DLGAP1: variants seen among roughly 807,000 people sequenced by gnomAD.
DLGAP1 encodes disks large-associated protein 1.
A neutral mutation model predicts 90.8 loss-of-function variants in DLGAP1; 11 were observed. The ratio of observed to expected loss-of-function variants is 0.12; its 90% CI spans 0.08 to 0.20. The LOEUF (loss-of-function observed/expected upper bound fraction) is 0.20, where lower values mean the gene tolerates loss of function less well. Ranked by LOEUF, DLGAP1 falls within the 10% of genes least tolerant of loss-of-function variation. DLGAP1 has a pLI of 1.00. For missense variants in DLGAP1, 1,050 were observed against 1,333.8 expected, an observed-to-expected ratio of 0.79 and a Z score of 3.31; for synonymous variants, 558 against 540.7, an observed-to-expected ratio of 1.03 and a Z score of -0.44.
At chr18:4,225,128 T>C (rs959711477) in intron 1 of DLGAP1, among the ~76,000 whole-genome samples, 1 of 152,108 alleles carries the variant, frequency 6.6e-6, no homozygotes, top group South Asian at 2.1e-4. Context: ...CCAAGAACCA[T>C]GAAGGTAGCA....
At chr18:4,024,532 T>C (rs138008202) in intron 2 of DLGAP1, among the ~76,000 whole-genome samples, 5 of 152,316 alleles carry the variant, frequency 3.3e-5, no homozygotes, top group African/African-American at 1.2e-4. Flanking sequence ...TTAACACTTA[T>C]GCTCGGAGTG....
At chr18:3,666,034 C>T (rs1333901894) in intron 7 of DLGAP1, among the ~76,000 whole-genome samples, 1 of 152,070 alleles carries the variant, frequency 6.6e-6, no homozygotes, top group Non-Finnish European at 1.5e-5. Flanking sequence ...CGGCTCCAAC[C>T]GCAGAGGCAG....
At chr18:3,778,099 T>C (rs1484727830) in intron 5 of DLGAP1, among the ~76,000 whole-genome samples, 1 of 152,214 alleles carries the variant, frequency 6.6e-6, no homozygotes, top group Non-Finnish European at 1.5e-5. Context: ...AAAAATTTAA[T>C]TGCATGCATC....
chr18:4,272,087 C>A (rs1398087201), intron 1 of DLGAP1, among the ~76,000 whole-genome samples: 1 of 152,100 alleles, frequency 6.6e-6, no homozygotes, highest in Non-Finnish European at 1.5e-5. Context: ...GCAGTGTATT[C>A]CAACTTTATG....
chr18:3,925,032 A>G (rs2148918143), intron 3 of DLGAP1, among the ~76,000 whole-genome samples: 1 of 152,196 alleles, frequency 6.6e-6, no homozygotes, highest in East Asian at 1.9e-4. Context: ...GGCTTACCGC[A>G]ACCTCCGCCG....
At chr18:3,886,299 C>T (rs2071311650) in intron 3 of DLGAP1, among the ~76,000 whole-genome samples, 1 of 152,010 alleles carries the variant, frequency 6.6e-6, no homozygotes, top group Non-Finnish European at 1.5e-5. Context: ...TTGTGGGTAC[C>T]TAGTCATGTA....
At chr18:4,257,971 A>ATGTGTG (rs1491397018) in intron 1 of DLGAP1, among the ~76,000 whole-genome samples, 14 of 84,562 alleles carry the variant, frequency 1.7e-4, no homozygotes, top group South Asian at 4.6e-4. Flanking sequence ...AGAGTTATAC[A>ATGTGTG]TATGTGTGTG....
intron 5 of DLGAP1, among the ~76,000 whole-genome samples, chr18:3,748,564 G>A (rs1358079189): frequency 6.6e-6 from 1 of 152,174 alleles, no homozygotes; most frequent in Non-Finnish European, 1.5e-5. Flanking sequence ...AAAAGTATTG[G>A]AATGTAAGGC....
chr18:3,655,921 C>T, intron 7 of DLGAP1: 1 of 655,764 alleles, frequency 1.5e-6, no homozygotes, highest in Non-Finnish European at 2.5e-6. Flanking sequence ...GAGAGCTTTG[C>T]AGCATAAAAT....
At chr18:4,322,758 G>A (rs1003430013) in intron 1 of DLGAP1, among the ~76,000 whole-genome samples, 3 of 152,000 alleles carry the variant, frequency 2.0e-5, no homozygotes, top group African/African-American at 7.2e-5. Flanking sequence ...TCAGGAAATC[G>A]AGACCATCCT....
intron 3 of DLGAP1, among the ~76,000 whole-genome samples, chr18:3,970,581 T>A (rs2073425014): frequency 6.6e-6 from 1 of 152,118 alleles, no homozygotes; most frequent in African/African-American, 2.4e-5. Context: ...AAGAAGTACA[T>A]CTTCTAGAAA....
In DLGAP1 at chr18:4,183,158, G is replaced by A. The variant is rs146466202; in HGVS notation, c.-266-31871C>T. Among the ~76,000 whole-genome samples the A allele has an allele frequency of 2.3e-4, 35 of 152,230 alleles. No individual in the cohort carries two copies. In the East Asian group the frequency reaches 6.8e-3, roughly 29 times the overall value. The stretch of plus-strand genomic sequence containing the variant: ...CATTAAATCAAATTCTTGGCATTTT[G>A]AATATGCAAGAAAATTAAATATACA... On this transcript the variant is annotated intron_variant, in intron 1 of 12. Transcript: ENST00000315677.
At position 3,567,550 on chromosome 18, in the gene DLGAP1, C is replaced by T; in HGVS notation, c.1997G>A (p.Gly666Glu). 6.2e-7 allele frequency: 1 copy of T among 1,613,990 alleles called. No individual in the cohort carries two copies. Among genetic ancestry groups the T allele is most frequent in the Non-Finnish European group, 8.5e-7 (1 of 1,179,956 alleles). ...GAACTTACTGGGTGCTTTATTCTCC[C>T]CTGTTTTGTCAGGTTCTTCAGCATC... is the stretch of plus-strand genomic sequence containing the variant. ...VDDAEEPDKT[G>E]ENKAPSKFQS... is the part of the protein sequence containing the mutation. The change falls in exon 9 of 13, where the codon GGG becomes GAG. Residue 666 changes from glycine to glutamate, a missense_variant. Transcript: ENST00000315677.
intron 7 of DLGAP1, among the ~76,000 whole-genome samples, chr18:3,704,766 A>T (rs2061382754): frequency 6.6e-6 from 1 of 152,080 alleles, no homozygotes; most frequent in Non-Finnish European, 1.5e-5. Context: ...GGTTGGAGGT[A>T]TCTTGCCAAG....
At chr18:3,641,462 G>C (rs1021072593) in intron 7 of DLGAP1, among the ~76,000 whole-genome samples, 2 of 150,562 alleles carry the variant, frequency 1.3e-5, no homozygotes, top group Non-Finnish European at 3.0e-5. Flanking sequence ...GCTTGAACCC[G>C]GGAGGAGGAG....
intron 2 of DLGAP1, among the ~76,000 whole-genome samples, chr18:4,039,305 C>T (rs1364610082): frequency 6.6e-6 from 1 of 152,170 alleles, no homozygotes; most frequent in Non-Finnish European, 1.5e-5. Context: ...ACCTTCCCAA[C>T]AGGAGACACC....
chr18:3,901,957 A>G (rs2071793432), intron 3 of DLGAP1, among the ~76,000 whole-genome samples: 1 of 152,136 alleles, frequency 6.6e-6, no homozygotes, highest in Non-Finnish European at 1.5e-5. Context: ...TGCAACATTC[A>G]TTTGTGGGCT....
At chr18:3,804,306 T>C (rs1455895902) in intron 5 of DLGAP1, among the ~76,000 whole-genome samples, 3 of 152,144 alleles carry the variant, frequency 2.0e-5, no homozygotes, top group African/African-American at 7.2e-5. Flanking sequence ...TTAAAGAATG[T>C]TGCAGTAGTT....
intron 1 of DLGAP1, among the ~76,000 whole-genome samples, chr18:4,212,509 T>TAAAA (rs3041112): frequency 2.2e-5 from 3 of 136,704 alleles, no homozygotes; most frequent in South Asian, 2.4e-4. Context: ...CTACTAAAGT[T>TAAAA]AAAAAAAAAA....
Sources: allele counts gnomAD v4.1 joint callset (sites outside exome capture counted in the v4.1 genomes callset), GRCh38; gene constraint gnomAD v4.1.1; transcripts MANE v1.5; gene names NCBI Gene and HGNC (gene_info 2026-07-23, HGNC 2026-07-21).